The following RNF123 variants were observed in gnomAD, a reference collection of about 807,000 sequenced individuals.
The protein encoded by RNF123 is ring finger protein 123, also known as E3 ubiquitin-protein ligase RNF123.
In RNF123, 86 loss-of-function variants were observed where a neutral mutation model predicts 168.5. The ratio of observed to expected loss-of-function variants is 0.51; its 90% CI spans 0.43 to 0.61. The LOEUF (loss-of-function observed/expected upper bound fraction) is 0.61. RNF123 is among the 20% of genes least tolerant of loss of function. The pLI is 0.00. For missense variants in RNF123, 1,419 were observed against 1,729.7 expected, an observed-to-expected ratio of 0.82 and a Z score of 3.19; for synonymous variants, 666 against 689.1, an observed-to-expected ratio of 0.97 and a Z score of 0.52.
At chr3:49,719,708 T>G in intron 35 of RNF123, 1 of 492,312 alleles carries the variant, frequency 2.0e-6, no homozygotes, top group Admixed American at 3.8e-5. Flanking sequence ...GATCGGCTCC[T>G]AAATACTCCC....
intron 3 of RNF123, among the ~76,000 whole-genome samples, chr3:49,692,124 A>G (rs572510052): frequency 2.4e-4 from 37 of 152,336 alleles, no homozygotes; most frequent in Non-Finnish European, 4.7e-4. Flanking sequence ...GTGCACCTGT[A>G]GTCCCAGCTG....
Position 49,715,727 on chromosome 3 carries a change from GGGGCCTCGT to G in RNF123, c.3150+17_3150+25del. The G allele has an allele frequency of 6.2e-7, 1 of 1,614,242 alleles. No individual in the cohort carries two copies. ...CATGATCCAAGAGGTGGGCTGTGGT[GGGGCCTCGT>G]GGGTTAGGGTGGTGCAAGGGATGAG... On this transcript the variant is annotated intron_variant, in intron 32 of 38. Transcript: ENST00000327697.
intron 35 of RNF123, chr3:49,718,415 C>T (rs1051795677): frequency 8.1e-6 from 13 of 1,612,964 alleles, no homozygotes; most frequent in Non-Finnish European, 1.1e-5. Context: ...GCCAGGCACA[C>T]GAAGAGTCCC....
chr3:49,718,718 C>T, intron 35 of RNF123: 1 of 1,612,946 alleles, frequency 6.2e-7, no homozygotes, highest in Non-Finnish European at 8.5e-7. Context: ...GCCAAGCATA[C>T]GTACTCGCGC....
chr3:49,702,197 C>T (rs2054416094), intron 18 of RNF123, 53 bp downstream of exon 18: 6 of 1,601,794 alleles, frequency 3.7e-6, no homozygotes, highest in Non-Finnish European at 5.1e-6. Context: ...GGATGCTGCA[C>T]TGGGCCTTAA....
At position 49,699,775 on chromosome 3, in the gene RNF123, G is replaced by A. The variant is rs375982983; in HGVS notation, c.984+3G>A. The A allele has an allele frequency of 1.9e-5, 30 of 1,612,946 alleles. No homozygotes were observed. The highest frequency in any genetic ancestry group is 2.7e-5 in the African/African-American group (2 of 75,034). On this transcript the variant is annotated splice_donor_region_variant and intron_variant, in intron 12 of 38. Coordinates refer to ENST00000327697, the MANE Select transcript of RNF123 (RefSeq NM_022064.5). This position sits in a 1 kb window ranked among gnomAD's most constrained non-coding sequence, Gnocchi z 4.8. ...TCCATCACTTTGCACCGCTTCTGGT[G>A]AGCGGCATTGGGAGGGGCATGGGAG... is the stretch of plus-strand genomic sequence containing the variant.
intron 26 of RNF123, among the ~76,000 whole-genome samples, chr3:49,709,275 G>C (rs575098969): frequency 1.6e-3 from 248 of 150,640 alleles, no homozygotes; most frequent in Admixed American, 3.3e-3. Context: ...GGGATTACAG[G>C]CATGTGCCAC....
Position 49,715,567 on chromosome 3 carries a change from C to G in RNF123, c.3011-8C>G, listed in dbSNP as rs752132944. On this transcript the variant is annotated splice_polypyrimidine_tract_variant and splice_region_variant and intron_variant, in intron 31 of 38. Transcript: ENST00000327697. ...TCCCTGATGATGCCGCCTCCTGTCC[C>G]CCTGCAGAGCCCTGCCCTTCCACCC... 1 of 1,613,612 alleles carries G rather than the reference C, an allele frequency of 6.2e-7. No homozygotes were observed. Among genetic ancestry groups the G allele is most frequent in the African/African-American group, 1.3e-5 (1 of 74,928 alleles).
Position 49,699,226 on chromosome 3 carries a change from T to C in RNF123, c.764+121T>C. 5 of 1,357,308 alleles carry C rather than the reference T, an allele frequency of 3.7e-6. No homozygotes were observed. Among genetic ancestry groups the C allele is most frequent in the Non-Finnish European group, 5.0e-6 (5 of 999,320 alleles). The allele number at this position is 1,357,308 out of a possible 1,614,324, so 84.1% of individuals were successfully genotyped here. On this transcript the variant is annotated intron_variant, in intron 10 of 38. Transcript: ENST00000327697. The surrounding 1 kb of genome is among the most constrained non-coding windows in gnomAD (Gnocchi z 4.8). Reference sequence around the variant, plus strand: ...CAGGCCCTGGCTGCTGCAGAGTTAGTGGGGGGCCATGTAGAGTGTCGAAGA... The same window carrying C: ...CAGGCCCTGGCTGCTGCAGAGTTAGCGGGGGGCCATGTAGAGTGTCGAAGA...
Position 49,690,238 on chromosome 3 carries a change from G to A in RNF123, c.-37+632G>A, listed in dbSNP as rs184035563. 3.4e-3 allele frequency among the ~76,000 whole-genome samples: 520 copies of A among 152,372 alleles called. 3 individuals carry two copies. Among genetic ancestry groups the A allele is most frequent in the Middle Eastern group, 6.8e-3 (2 of 294 alleles). On this transcript the variant is annotated intron_variant, in intron 1 of 38. Coordinates refer to ENST00000327697, the MANE Select transcript of RNF123 (RefSeq NM_022064.5). The stretch of plus-strand genomic sequence containing the variant: ...TGCGCTGTCTAATAGAACTTTATAT[G>A]ATGGTGGGAACGTTCTACCTTTGTG...
intron 21 of RNF123, among the ~76,000 whole-genome samples, chr3:49,704,275 T>G (rs2054467897): frequency 1.3e-5 from 2 of 152,106 alleles, no homozygotes; most frequent in Non-Finnish European, 2.9e-5. Context: ...CATCTCCTTT[T>G]GTTTATGGAG....
chr3:49,696,639 A>G (rs1575520782), intron 3 of RNF123, among the ~76,000 whole-genome samples: 1 of 118,840 alleles, frequency 8.4e-6, no homozygotes, highest in East Asian at 3.0e-4. Context: ...ACCTGGCCAC[A>G]TACTTTTTTT....
Position 49,714,194 on chromosome 3 carries a change from G to A in RNF123, c.3010+20G>A, listed in dbSNP as rs1269441307. On this transcript the variant is annotated intron_variant, in intron 31 of 38. Transcript: ENST00000327697. ...TCCAGAGTGAGTATCTGGGTTGGGC[G>A]AGTCCTGGGCAAGGCAGGCGGGGGC... The A allele has an allele frequency of 3.1e-6, 5 of 1,612,564 alleles. No homozygotes were observed. The highest frequency in any genetic ancestry group is 2.2e-5 in the East Asian group (1 of 44,884).
Position 49,706,007 on chromosome 3 carries a change from A to C in RNF123, c.2330A>C (p.Asn777Thr). The change falls in exon 25 of 39, where the codon AAT becomes ACT. Residue 777 changes from asparagine to threonine, a missense_variant. Physicochemically the swap from Asn to Thr is moderately conservative, Grantham distance 65. Coordinates refer to ENST00000327697, the MANE Select transcript of RNF123 (RefSeq NM_022064.5). The part of the protein sequence containing the change: ...GKMVGVSDDV[N>T]EYAMALRDTE... The stretch of plus-strand genomic sequence containing the variant: ...ATGGTGGGTGTCTCCGATGATGTCA[A>C]TGAATACGCTATGGCTCTGAGGGAC... The C allele has an allele frequency of 6.2e-7, 1 of 1,614,128 alleles. No individual in the cohort carries two copies. Among genetic ancestry groups the C allele is most frequent in the Non-Finnish European group, 8.5e-7 (1 of 1,180,020 alleles).
In RNF123 at chr3:49,713,939, C is replaced by T. The variant is rs763950243; in HGVS notation, c.2867C>T (p.Ala956Val). 2.6e-5 allele frequency: 42 copies of T among 1,613,852 alleles called. 1 individual carries two copies. The highest frequency in any genetic ancestry group is 1.6e-4 in the Middle Eastern group (1 of 6,072). ...ATCGCCATGGTGAGGAACCTCCTGGCGCCCTATGAGCAGCGGCCCTGGGCC... is the reference window on the plus strand; with the variant it reads ...ATCGCCATGGTGAGGAACCTCCTGGTGCCCTATGAGCAGCGGCCCTGGGCC... ...QRIAMVRNLL[A>V]PYEQRPWAQT... is the part of the protein sequence containing the mutation. Residue 956 changes from alanine (A) to valine (V), a missense_variant, in exon 30 of 39, where the codon GCG becomes GTG. Around this residue, in one of 5 missense-constraint regions of RNF123, gnomAD observed 538 missense variants for 708.8 expected, o/e 0.76. Transcript: ENST00000327697.
At chr3:49,696,029 G>A (rs1391673407) in intron 3 of RNF123, among the ~76,000 whole-genome samples, 1 of 152,126 alleles carries the variant, frequency 6.6e-6, no homozygotes, top group Admixed American at 6.6e-5. Flanking sequence ...AGAGGGCTGA[G>A]CCTTTCATAC....
At position 49,699,488 on chromosome 3, in the gene RNF123, G is replaced by A. The variant is rs1283286881; in HGVS notation, c.785G>A (p.Arg262Gln). The change falls in exon 11 of 39, where the codon CGG (arginine) becomes CAG (glutamine). Residue 262 changes from arginine to glutamine, a missense_variant. Around this residue, in one of 5 missense-constraint regions of RNF123, gnomAD observed 318 missense variants for 446.6 expected, o/e 0.71. Coordinates refer to ENST00000327697, the MANE Select transcript of RNF123 (RefSeq NM_022064.5). This position sits in a 1 kb window ranked among gnomAD's most constrained non-coding sequence, Gnocchi z 4.8. ...RPLRYPVAGYRPLQDPPSADL... is the reference protein window; with the variant it reads ...RPLRYPVAGYQPLQDPPSADL... ...GGCACCTACCCAGTGGCAGGCTACC[G>A]GCCCCTGCAGGACCCACCGAGTGCT... The A allele has an allele frequency of 1.4e-5, 22 of 1,607,300 alleles. No individual in the cohort carries two copies. The highest frequency in any genetic ancestry group is 2.2e-5 in the East Asian group (1 of 44,620).
At chr3:49,717,827 A>T (rs2080277855) in intron 35 of RNF123, 11 of 1,081,038 alleles carry the variant, frequency 1.0e-5, no homozygotes, top group East Asian at 2.4e-5. Context: ...TTCGAGGCCC[A>T]TACAGGAAGC....
At chr3:49,705,749 G>A in intron 24 of RNF123, 70 bp downstream of exon 24, 1 of 1,601,660 alleles carries the variant, frequency 6.2e-7, no homozygotes, top group Non-Finnish European at 8.5e-7. Context: ...GTATTCCTGT[G>A]TGCACATGGG....
Sources: allele counts gnomAD v4.1 joint callset (sites outside exome capture counted in the v4.1 genomes callset), GRCh38; gene constraint gnomAD v4.1.1; regional missense constraint gnomAD v4.1.1; non-coding constraint Gnocchi (gnomAD v3.1); transcripts MANE v1.5; gene names NCBI Gene and HGNC (gene_info 2026-07-23, HGNC 2026-07-21).